Variants in SLFN13 observed in about 807,000 individuals in gnomAD.
The protein encoded by SLFN13 is schlafen family member 13.
SLFN13 carries 43 observed loss-of-function variants against 50.6 expected under a neutral mutation model. That is an observed-to-expected ratio of 0.85 (90% CI 0.67 to 1.09). The LOEUF (loss-of-function observed/expected upper bound fraction) is 1.09. SLFN13 is among the 50% of genes least tolerant of loss of function. The probability of loss-of-function intolerance (pLI) is 0.00; values close to 1 mark genes in which losing one functional copy is unlikely to be tolerated. For synonymous variants in SLFN13, 339 were observed against 386.5 expected, an observed-to-expected ratio of 0.88 and a Z score of 1.44; for missense variants, 881 against 1,071.1, an observed-to-expected ratio of 0.82 and a Z score of 2.48.
chr17:35,444,083 T>G, intron 3 of SLFN13, 163 bp from the exon 4 acceptor site: 1 of 595,918 alleles, frequency 1.7e-6, no homozygotes, highest in Non-Finnish European at 2.7e-6. Flanking sequence ...TCCCAAAGAT[T>G]CATCATTAAA....
rs759946255 is a variant in SLFN13 at position 35,440,318 on chromosome 17, T to C, written c.*277A>G. The C allele has an allele frequency of 1.1e-4, 54 of 476,434 alleles. No homozygotes were observed. The highest frequency in any genetic ancestry group is 1.9e-4 in the Non-Finnish European group (51 of 267,314). The allele number at this position is 476,434 out of a possible 1,614,324, so 29.5% of individuals were successfully genotyped here. A position where few individuals can be genotyped will look rare whatever the true frequency, so the allele number is the denominator to read the frequency against. On this transcript the variant is annotated 3_prime_UTR_variant, in exon 6 of 6. Transcript: ENST00000285013. ...CAGAGAGCAAGACACAGGTCTGCAT[T>C]GTGCAGCACAGCTAAAGTTCCTTTA... is the stretch of plus-strand genomic sequence containing the variant.
rs1165754177 is a variant in SLFN13, at chr17:35,438,167, T to C, written c.*2428A>G. ...TGCTTAATCTTTTACTGGCTCATTT[T>C]TGGCTGTATCATGGAGTTGCTGGCC... On this transcript the variant is annotated 3_prime_UTR_variant, in exon 6 of 6. Coordinates refer to ENST00000285013, the MANE Select transcript of SLFN13 (RefSeq NM_144682.6). The C allele has an allele frequency of 2.0e-5, 3 of 152,080 alleles. No homozygotes were observed. The highest frequency in any genetic ancestry group is 4.4e-5 in the Non-Finnish European group (3 of 68,016). The allele number at this position is 152,080 out of a possible 1,614,324, so 9.4% of individuals were successfully genotyped here.
In SLFN13 at chr17:35,445,173, A is replaced by C; in HGVS notation, c.508T>G (p.Ser170Ala). ...GCTTTCATAATTTTACTAGGTGGAG[A>C]CCCTTCATTAATCAGATTATATTTG... Reference protein sequence around the residue: ...QSKYNLINEGSPPSKIMKAVY... With the variant: ...QSKYNLINEGAPPSKIMKAVY... The change falls in exon 3 of 6, where the codon TCT becomes GCT. Residue 170 changes from serine (S) to alanine (A), a missense_variant. Coordinates refer to ENST00000285013, the MANE Select transcript of SLFN13 (RefSeq NM_144682.6). 6.2e-7 allele frequency: 1 copy of C among 1,613,190 alleles called. No homozygotes were observed. Among genetic ancestry groups the C allele is most frequent in the Middle Eastern group, 1.7e-4 (1 of 6,060 alleles).
upstream of SLFN13, among the ~76,000 whole-genome samples, chr17:35,449,552 G>A (rs1913397382): frequency 6.6e-6 from 1 of 152,178 alleles, no homozygotes; most frequent in South Asian, 2.1e-4. Context: ...TGCTCGGATC[G>A]GGCGGCACTC....
rs1267262096 is a variant in SLFN13, at chr17:35,441,241, T to G, written c.2048A>C (p.Lys683Thr). 1.2e-6 allele frequency: 2 copies of G among 1,614,106 alleles called. No homozygotes were observed. Among genetic ancestry groups the G allele is most frequent in the Non-Finnish European group, 1.7e-6 (2 of 1,180,026 alleles). ...TTCTCTCTGAGTGATGGTTTTTGCC[T>G]TCCTATACCAGTCCCCATCTTCAGT... The part of the protein sequence containing the change: ...FRTEDGDWYR[K>T]AKTITQREKD... Residue 683 changes from lysine to threonine, a missense_variant, in exon 6 of 6, where the codon AAG (lysine) becomes ACG (threonine). Physicochemically the swap from Lys to Thr is moderately conservative, Grantham distance 78. This residue lies in a region of SLFN13 where 322 missense variants were observed against 327.4 expected (regional missense o/e 0.98). Transcript: ENST00000285013.
chr17:35,442,769 CT>C (rs1454360539), intron 4 of SLFN13, among the ~76,000 whole-genome samples: 1 of 152,134 alleles, frequency 6.6e-6, no homozygotes, highest in African/African-American at 2.4e-5. Context: ...AACCCACAAC[CT>C]ACAAATCTGG....
chr17:35,448,757 C>G lies in SLFN13; in HGVS notation c.-196G>C, dbSNP rs963631482. The G allele has an allele frequency of 2.0e-5, 3 of 152,316 alleles. No homozygotes were observed. Among genetic ancestry groups the G allele is most frequent in the Non-Finnish European group, 4.4e-5 (3 of 68,116 alleles). The allele number at this position is 152,316 out of a possible 1,614,324, so 9.4% of individuals were successfully genotyped here. ...CCAGCGCGTCAAGCTCCAGGACACTCCGCGTTTCCCTGGAGGCGCCAAGGT... is the reference window on the plus strand; with the variant it reads ...CCAGCGCGTCAAGCTCCAGGACACTGCGCGTTTCCCTGGAGGCGCCAAGGT... On this transcript the variant is annotated 5_prime_UTR_variant, in exon 1 of 6. Coordinates refer to ENST00000285013, the MANE Select transcript of SLFN13 (RefSeq NM_144682.6).
chr17:35,440,331 T>C lies in SLFN13; in HGVS notation c.*264A>G, dbSNP rs569724616. 38 of 538,468 alleles carry C rather than the reference T, an allele frequency of 7.1e-5. No homozygotes were observed. In the East Asian group the frequency reaches 1.1e-3, roughly 15 times the overall value. The allele number at this position is 538,468 out of a possible 1,614,324, so 33.4% of individuals were successfully genotyped here. On this transcript the variant is annotated 3_prime_UTR_variant, in exon 6 of 6. Coordinates refer to ENST00000285013, the MANE Select transcript of SLFN13 (RefSeq NM_144682.6). ...ACAGGTCTGCATTGTGCAGCACAGC[T>C]AAAGTTCCTTTAGAAAACCACCATC...
Position 35,443,853 on chromosome 17 carries a change from G to T in SLFN13, c.1134C>A (p.Cys378Ter), listed in dbSNP as rs1248877681. The stretch of plus-strand genomic sequence containing the variant: ...GACCTTTCTTAGAATACACTGGTCT[G>T]CAAAGTGAAGGACTGTCAGATAGAC... ...QLSLSDSPSL[C>*]RPVYSKKGLE... The change falls in exon 4 of 6, where the codon TGC (cysteine) becomes TGA (stop). Residue 378 changes from cysteine to a stop codon, truncating the protein, a stop_gained. Coordinates refer to ENST00000285013, the MANE Select transcript of SLFN13 (RefSeq NM_144682.6). LOFTEE classifies it high-confidence loss of function. The T allele has an allele frequency of 6.2e-7, 1 of 1,613,858 alleles. No homozygotes were observed. The highest frequency in any genetic ancestry group is 8.5e-7 in the Non-Finnish European group (1 of 1,179,774).
intron 2 of SLFN13, chr17:35,446,914 A>G (rs1208289431): frequency 2.6e-5 from 4 of 152,256 alleles, no homozygotes; most frequent in Non-Finnish European, 5.9e-5. Context: ...AGACCACTGA[A>G]ACATCTTTGT....
Position 35,440,534 on chromosome 17 carries a change from AGACT to A in SLFN13, c.*57_*60del. 1.6e-5 allele frequency: 25 copies of A among 1,564,286 alleles called. No individual in the cohort carries two copies. The highest frequency in any genetic ancestry group is 2.2e-5 in the Non-Finnish European group (25 of 1,145,798). ...AAAAAGAAAGGTTTCTACCATCAGC[AGACT>A]GTCACCCATAGACATTTACACAGTA... On this transcript the variant is annotated 3_prime_UTR_variant, in exon 6 of 6. Coordinates refer to ENST00000285013, the MANE Select transcript of SLFN13 (RefSeq NM_144682.6).
At position 35,435,562 on chromosome 17, in the gene SLFN13, G is replaced by A. The variant is rs1912625663; in HGVS notation, c.*5033C>T. ...GCCTCTGGAAGTGCTGAGATTACAG[G>A]TGTGAGCCACCATGCTGGCTTGCTG... On this transcript the variant is annotated 3_prime_UTR_variant, in exon 6 of 6. Coordinates refer to ENST00000285013, the MANE Select transcript of SLFN13 (RefSeq NM_144682.6). 2 of 152,122 alleles carry A rather than the reference G, an allele frequency of 1.3e-5. No individual in the cohort carries two copies. The highest frequency in any genetic ancestry group is 4.8e-5 in the African/African-American group (2 of 41,422). 9.4% of individuals were successfully genotyped at this position (152,122 alleles called of 1,614,324 possible). A position where few individuals can be genotyped will look rare whatever the true frequency, so the allele number is the denominator to read the frequency against.
chr17:35,441,415 G>C (rs773345753), intron 5 of SLFN13, 49 bp from the exon 6 acceptor site: 1 of 1,571,784 alleles, frequency 6.4e-7, no homozygotes, highest in Admixed American at 1.9e-5. Context: ...GAAAACAAGG[G>C]GAGAAAATGA....
Position 35,437,209 on chromosome 17 carries a change from A to T in SLFN13, c.*3386T>A, listed in dbSNP as rs1175242524. 1.3e-5 allele frequency: 2 copies of T among 152,090 alleles called. No homozygotes were observed. The highest frequency in any genetic ancestry group is 4.8e-5 in the African/African-American group (2 of 41,428). 9.4% of individuals were successfully genotyped at this position (152,090 alleles called of 1,614,324 possible). On this transcript the variant is annotated 3_prime_UTR_variant, in exon 6 of 6. Coordinates refer to ENST00000285013, the MANE Select transcript of SLFN13 (RefSeq NM_144682.6). ...TTGATTGTTTTATTATTATTTTGTT[A>T]GACATGGGGTCTTATTCTGTTGCCC...
At chr17:35,442,309 G>A (rs1249553188) in intron 4 of SLFN13, 23 bp from the exon 5 acceptor site, 1 of 1,535,532 alleles carries the variant, frequency 6.5e-7, no homozygotes, top group Non-Finnish European at 8.7e-7. Context: ...AAAATAGAAA[G>A]ATGTTTTCAC....
intron 2 of SLFN13, among the ~76,000 whole-genome samples, chr17:35,446,185 G>A (rs1913207270): frequency 6.6e-6 from 1 of 152,192 alleles, no homozygotes; most frequent in African/African-American, 2.4e-5. Flanking sequence ...AGAAAAGTCT[G>A]AGTATGAAAA....
At chr17:35,448,927 G>T (rs1913369374), upstream of SLFN13, 1 of 152,678 alleles carries the variant, frequency 6.5e-6, no homozygotes, top group Non-Finnish European at 1.5e-5. Flanking sequence ...TGTCTAGAAG[G>T]CCTGGCGGGA....
chr17:35,448,443 C>G (rs921616465), intron 1 of SLFN13: 1 of 152,346 alleles, frequency 6.6e-6, no homozygotes, highest in African/African-American at 2.4e-5. Context: ...CTCTCCGCAC[C>G]GTCCCTCCCC....
chr17:35,444,835 A>G lies in SLFN13; in HGVS notation c.846T>C (p.Ile282=). 6.2e-7 allele frequency: 1 copy of G among 1,614,218 alleles called. No homozygotes were observed. The highest frequency in any genetic ancestry group is 8.5e-7 in the Non-Finnish European group (1 of 1,180,028). The part of the protein sequence containing the change: ...VIARAISKLP[I]VHFCSSKPRV... ...GAGGTTTTGAAGAGCAAAAATGAAC[A>G]ATGGGCAACTTAGAAATTGCTCTTG... The change falls in exon 3 of 6, where the codon ATT becomes ATC. Residue 282 remains isoleucine, a synonymous_variant. Transcript: ENST00000285013.
Sources: allele counts gnomAD v4.1 joint callset (sites outside exome capture counted in the v4.1 genomes callset), GRCh38; gene constraint gnomAD v4.1.1; regional missense constraint gnomAD v4.1.1; transcripts MANE v1.5; gene names NCBI Gene and HGNC (gene_info 2026-07-23, HGNC 2026-07-21).